The following DNAJC12 variants were observed in gnomAD, a reference collection of about 807,000 sequenced individuals.
DNAJC12 encodes the protein dnaJ homolog subfamily C member 12.
Under a neutral mutation model 28.5 loss-of-function variants are expected in DNAJC12, and 25 were observed. The ratio of observed to expected loss-of-function variants is 0.88; its 90% CI spans 0.64 to 1.22. The LOEUF (loss-of-function observed/expected upper bound fraction) is 1.22, where lower values mean the gene tolerates loss of function less well. Among genes scored for constraint, DNAJC12 ranks in the 50% most tolerant of loss-of-function variants. The pLI is 0.00. For missense variants in DNAJC12, 222 were observed against 231.7 expected (o/e 0.96, Z 0.27); for synonymous variants, 77 against 80.6 (o/e 0.95, Z 0.24).
chr10:67,811,364 C>T, intron 3 of DNAJC12, 160 bp downstream of exon 3: 1 of 1,474,608 alleles, frequency 6.8e-7, no homozygotes, highest in Non-Finnish European at 9.0e-7. Flanking sequence ...TGATGAGCTT[C>T]TCTTCATGGG....
intron 3 of DNAJC12, among the ~76,000 whole-genome samples, chr10:67,809,373 G>GATCCC (rs1841836392): frequency 2.0e-5 from 3 of 152,014 alleles, no homozygotes; most frequent in East Asian, 3.9e-4. Flanking sequence ...GTTATCCCAG[G>GATCCC]ATCCCAAAGG....
At chr10:67,827,317 G>A (rs747191937) in intron 1 of DNAJC12, among the ~76,000 whole-genome samples, 87 of 151,604 alleles carry the variant, frequency 5.7e-4, no homozygotes, top group Admixed American at 1.7e-3. Flanking sequence ...AGCCCAGGAG[G>A]TGGAGGTTGC....
In DNAJC12 at chr10:67,819,695, A is replaced by AGGG. The variant is rs1841956167; in HGVS notation, c.157+3618_157+3619insCCC. 8.1e-5 allele frequency among the ~76,000 whole-genome samples: 2 copies of AGGG among 24,706 alleles called. 1 individual carries two copies. The allele number at this position is 24,706 out of a possible 152,430, so 16.2% of individuals were successfully genotyped here. On this transcript the variant is annotated intron_variant, in intron 2 of 4. Transcript: ENST00000225171. ...GAAAGAAAGAAAGAAAGAAAGAAAG[A>AGGG]AAGGAAGGAAGGAAGGAAGGAAGCA...
chr10:67,819,502 G>A (rs973149274), intron 2 of DNAJC12, among the ~76,000 whole-genome samples: 3 of 151,164 alleles, frequency 2.0e-5, no homozygotes, highest in African/African-American at 7.3e-5. Context: ...AGCCAGGTGT[G>A]ATGGCGCACG....
intron 1 of DNAJC12, among the ~76,000 whole-genome samples, chr10:67,829,167 A>C (rs1842066576): frequency 6.6e-6 from 1 of 152,156 alleles, no homozygotes; most frequent in Admixed American, 6.5e-5. Context: ...CTACAGCTGC[A>C]GAAAGATGGA....
At chr10:67,828,333 A>C (rs1209367390) in intron 1 of DNAJC12, among the ~76,000 whole-genome samples, 3 of 152,142 alleles carry the variant, frequency 2.0e-5, no homozygotes, top group Admixed American at 6.6e-5. Context: ...GTGTGTATCT[A>C]TCTCTCTATA....
chr10:67,798,066 C>T (rs1248161246), intron 4 of DNAJC12, among the ~76,000 whole-genome samples: 1 of 146,270 alleles, frequency 6.8e-6, no homozygotes, highest in Non-Finnish European at 1.5e-5. Flanking sequence ...AAAGTATAAA[C>T]CTTTGACCCA....
chr10:67,811,667 G>T lies in DNAJC12; in HGVS notation c.158-4C>A. The stretch of plus-strand genomic sequence containing the variant: ...TGCAGTTTCTGAAAAGTCTCCACTG[G>T]AAAACAAATCAAGAAATGAGCACTT... On this transcript the variant is annotated splice_region_variant and splice_polypyrimidine_tract_variant and intron_variant, in intron 2 of 4. Transcript: ENST00000225171. 6.2e-7 allele frequency: 1 copy of T among 1,609,724 alleles called. No homozygotes were observed. Among genetic ancestry groups the T allele is most frequent in the Non-Finnish European group, 8.5e-7 (1 of 1,177,940 alleles).
intron 2 of DNAJC12, chr10:67,816,037 T>C (rs561488802): frequency 2.5e-6 from 1 of 398,484 alleles, no homozygotes; most frequent in Admixed American, 4.4e-5. Context: ...GGTAAACACT[T>C]GCCAGTTCTG....
chr10:67,832,407 TGA>T (rs1398287683), intron 1 of DNAJC12, among the ~76,000 whole-genome samples: 1 of 152,036 alleles, frequency 6.6e-6, no homozygotes, highest in Non-Finnish European at 1.5e-5. Flanking sequence ...CTGAAATAAA[TGA>T]GAGATCCTCC....
chr10:67,835,717 G>GACACACACACACAC lies in DNAJC12; in HGVS notation c.78+2203_78+2216dup, dbSNP rs34238470. 2.9e-3 allele frequency among the ~76,000 whole-genome samples: 348 copies of GACACACACACACAC among 119,058 alleles called. 4 individuals are homozygous for GACACACACACACAC. The highest frequency in any genetic ancestry group is 8.3e-3 in the African/African-American group (310 of 37,302). 78.1% of individuals were successfully genotyped at this position (119,058 alleles called of 152,430 possible). A position where few individuals can be genotyped will look rare whatever the true frequency, so the allele number is the denominator to read the frequency against. Reference sequence around the variant, plus strand: ...AAAACAAAAAAAAGAGAGAAAAAATGACACACACACACACACACACACACA... The same window carrying GACACACACACACAC: ...AAAACAAAAAAAAGAGAGAAAAAATGACACACACACACACACACACACACACACACACACACACA... On this transcript the variant is annotated intron_variant, in intron 1 of 4. Transcript: ENST00000225171.
At chr10:67,829,597 C>A (rs558834615) in intron 1 of DNAJC12, among the ~76,000 whole-genome samples, 8 of 152,140 alleles carry the variant, frequency 5.3e-5, no homozygotes, top group African/African-American at 1.9e-4. Flanking sequence ...GCCGAGATTG[C>A]GCCACTGTAC....
chr10:67,822,624 G>A (rs1841991485), intron 2 of DNAJC12, among the ~76,000 whole-genome samples: 1 of 152,052 alleles, frequency 6.6e-6, no homozygotes, highest in Non-Finnish European at 1.5e-5. Context: ...AAGTGATAGT[G>A]AAGGAAAGAA....
At chr10:67,819,660 G>GAAAGAA (rs1280370710) in intron 2 of DNAJC12, among the ~76,000 whole-genome samples, 5 of 34,938 alleles carry the variant, frequency 1.4e-4, no homozygotes, top group African/African-American at 3.8e-4. Context: ...AAGAAAGAAA[G>GAAAGAA]AGAAAGAAAG....
At chr10:67,833,317 G>T (rs1842111432) in intron 1 of DNAJC12, among the ~76,000 whole-genome samples, 2 of 152,182 alleles carry the variant, frequency 1.3e-5, no homozygotes, top group South Asian at 4.1e-4. Context: ...GCAGAGCTGA[G>T]TAGTTAGGAC....
intron 4 of DNAJC12, among the ~76,000 whole-genome samples, chr10:67,802,007 G>T (rs10997816): frequency 0.47 from 71,597 of 151,222 alleles, 21,194 homozygotes; most frequent in Non-Finnish European, 0.67. Context: ...AACTACAGGC[G>T]CACGCCAGCA....
intron 4 of DNAJC12, among the ~76,000 whole-genome samples, chr10:67,805,123 G>A (rs114346694): frequency 6.9e-4 from 105 of 152,248 alleles, no homozygotes; most frequent in African/African-American, 2.4e-3. Flanking sequence ...ACCTGCCTTG[G>A]TTCAGACCCC....
chr10:67,799,023 C>T (rs1448906941), intron 4 of DNAJC12, among the ~76,000 whole-genome samples: 1 of 152,098 alleles, frequency 6.6e-6, no homozygotes. Flanking sequence ...CCTCAGCCTC[C>T]CAAAGTGCTG....
At chr10:67,809,384 C>A (rs1455564992) in intron 3 of DNAJC12, among the ~76,000 whole-genome samples, 1 of 152,110 alleles carries the variant, frequency 6.6e-6, no homozygotes. Flanking sequence ...ATCCCAAAGG[C>A]CTGAATTACT....
Sources: allele counts gnomAD v4.1 joint callset (sites outside exome capture counted in the v4.1 genomes callset), GRCh38; gene constraint gnomAD v4.1.1; transcripts MANE v1.5; gene names NCBI Gene and HGNC (gene_info 2026-07-23, HGNC 2026-07-21).